The following INO80D variants were observed in gnomAD, a reference collection of about 807,000 sequenced individuals.
INO80D encodes the protein INO80 complex subunit D.
In INO80D, 21 loss-of-function variants were observed where a neutral mutation model predicts 87.6. The ratio of observed to expected loss-of-function variants is 0.24; its 90% CI spans 0.17 to 0.35. The LOEUF (loss-of-function observed/expected upper bound fraction) is 0.35, where lower values mean the gene tolerates loss of function less well. Ranked by LOEUF, INO80D falls within the 10% of genes least tolerant of loss-of-function variation. The pLI, the probability that INO80D is intolerant of heterozygous loss-of-function variation, is 1.00. For missense variants in INO80D, 982 were observed against 1,280.7 expected (o/e 0.77, Z 3.56); for synonymous variants, 440 against 491.0 (o/e 0.90, Z 1.37).
intron 5 of INO80D, among the ~76,000 whole-genome samples, chr2:206,045,102 T>C (rs1299150433): frequency 6.6e-6 from 1 of 152,162 alleles, no homozygotes; most frequent in Non-Finnish European, 1.5e-5. Flanking sequence ...AGATACATCA[T>C]GCTATTATAA....
rs1395415621 is a variant in INO80D at position 206,063,816 on chromosome 2, G to C, written c.-123-572C>G. 2.6e-5 allele frequency: 4 copies of C among 152,176 alleles called. No homozygotes were observed. The East Asian group carries it at 7.7e-4, about 29-fold the overall frequency. 9.4% of individuals were successfully genotyped at this position (152,176 alleles called of 1,614,324 possible). The stretch of plus-strand genomic sequence containing the variant: ...ACTCTTCCACCAAATGAATGTCACA[G>C]GTAGCAGGTCTCTTTTTCATTACTG... On this transcript the variant is annotated intron_variant, in intron 1 of 10. Coordinates refer to ENST00000403263, the MANE Select transcript of INO80D (RefSeq NM_017759.5).
intron 8 of INO80D, among the ~76,000 whole-genome samples, chr2:206,011,443 C>T (rs1238314323): frequency 6.6e-6 from 1 of 152,178 alleles, no homozygotes; most frequent in Non-Finnish European, 1.5e-5. Flanking sequence ...CTGCCTTGCT[C>T]GCCTCCAGAG....
chr2:206,034,237 A>AC (rs1381263885), intron 5 of INO80D, among the ~76,000 whole-genome samples: 2 of 152,190 alleles, frequency 1.3e-5, no homozygotes, highest in African/African-American at 4.8e-5. Context: ...AATCCTCCCT[A>AC]CTTCATTCTA....
At position 206,012,436 on chromosome 2, in the gene INO80D, C is replaced by A. The variant is rs56241729; in HGVS notation, c.1543-2642G>T. On this transcript the variant is annotated intron_variant, in intron 8 of 10. Coordinates refer to ENST00000403263, the MANE Select transcript of INO80D (RefSeq NM_017759.5). Reference sequence around the variant, plus strand: ...TCTGGCTGCTATGTAAACAACATACCCCCTATGGCAGGGGGATATGGCAAG... The same window carrying A: ...TCTGGCTGCTATGTAAACAACATACACCCTATGGCAGGGGGATATGGCAAG... 6.5e-3 allele frequency among the ~76,000 whole-genome samples: 996 copies of A among 152,204 alleles called. 3 individuals carry two copies. The highest frequency in any genetic ancestry group is 0.011 in the Non-Finnish European group (751 of 68,010).
At chr2:206,032,031 T>C (rs950502360) in intron 5 of INO80D, among the ~76,000 whole-genome samples, 3 of 152,126 alleles carry the variant, frequency 2.0e-5, no homozygotes, top group African/African-American at 7.2e-5. Flanking sequence ...CAGGAAACGC[T>C]CTGGGAGCTC....
At chr2:206,047,788 C>A (rs1183337940) in intron 4 of INO80D, among the ~76,000 whole-genome samples, 1 of 152,004 alleles carries the variant, frequency 6.6e-6, no homozygotes, top group Non-Finnish European at 1.5e-5. Context: ...TGGCTCTTAC[C>A]TTCCATGGGA....
intron 1 of INO80D, among the ~76,000 whole-genome samples, chr2:206,070,243 C>T (rs367773915): frequency 1.3e-5 from 2 of 151,440 alleles, no homozygotes; most frequent in East Asian, 3.9e-4. Context: ...TGTTGAAACA[C>T]CATTTCTACT....
At chr2:206,055,013 C>T (rs988350518) in intron 4 of INO80D, among the ~76,000 whole-genome samples, 1 of 152,138 alleles carries the variant, frequency 6.6e-6, no homozygotes, top group Non-Finnish European at 1.5e-5. Context: ...ATACCATATC[C>T]TGACCCTGAC....
chr2:206,022,041 C>A (rs2969766), intron 6 of INO80D, among the ~76,000 whole-genome samples: 93,677 of 151,840 alleles, frequency 0.62, 30,630 homozygotes, highest in South Asian at 0.74. Flanking sequence ...ATTTTTTAAA[C>A]TTGCCTTGTT....
chr2:206,080,734 C>T (rs1004761104), intron 1 of INO80D, among the ~76,000 whole-genome samples: 8 of 151,472 alleles, frequency 5.3e-5, no homozygotes, highest in African/African-American at 7.3e-5. Flanking sequence ...GGTGAAACCC[C>T]GTCTCTACTA....
At chr2:206,024,398 A>C (rs537391289) in intron 6 of INO80D, among the ~76,000 whole-genome samples, 4 of 152,112 alleles carry the variant, frequency 2.6e-5, no homozygotes, top group African/African-American at 9.7e-5. Context: ...CTCTAAGAAC[A>C]TAAGTCTCTG....
At chr2:206,073,571 T>C (rs1324046696) in intron 1 of INO80D, among the ~76,000 whole-genome samples, 1 of 152,072 alleles carries the variant, frequency 6.6e-6, no homozygotes, top group Non-Finnish European at 1.5e-5. Context: ...TGGAGTGCAG[T>C]GGTATGATTA....
intron 8 of INO80D, among the ~76,000 whole-genome samples, chr2:206,010,084 C>A (rs1324861532): frequency 1.2e-5 from 1 of 81,994 alleles, no homozygotes; most frequent in Non-Finnish European, 3.5e-5. Flanking sequence ...CACACACACA[C>A]ACGCACACAC....
At position 206,040,509 on chromosome 2, in the gene INO80D, C is replaced by T. The variant is rs1689018855; in HGVS notation, c.1073+5995G>A. 7 of 218,074 alleles carry T rather than the reference C, an allele frequency of 3.2e-5. No individual in the cohort carries two copies. In the South Asian group the frequency reaches 5.1e-4, roughly 16 times the overall value. 13.5% of individuals were successfully genotyped at this position (218,074 alleles called of 1,614,324 possible). A position where few individuals can be genotyped will look rare whatever the true frequency, so the allele number is the denominator to read the frequency against. The stretch of plus-strand genomic sequence containing the variant: ...TTCTGGCTGAACACAAAGCTGTCAT[C>T]GTAAAGAACATTAATGATGGCACCT... On this transcript the variant is annotated intron_variant, in intron 5 of 10. Coordinates refer to ENST00000403263, the MANE Select transcript of INO80D (RefSeq NM_017759.5).
intron 1 of INO80D, among the ~76,000 whole-genome samples, chr2:206,074,793 GC>G (rs1690066293): frequency 6.6e-6 from 1 of 151,900 alleles, no homozygotes; most frequent in Non-Finnish European, 1.5e-5. Context: ...TACAAAATTA[GC>G]CAGGTGTGGT....
At position 205,996,311 on chromosome 2, in the gene INO80D, C is replaced by A. The variant is rs958985357; in HGVS notation, c.*8057G>T. 3 of 148,236 alleles carry A rather than the reference C, an allele frequency of 2.0e-5. No homozygotes were observed. The highest frequency in any genetic ancestry group is 4.9e-5 in the African/African-American group (2 of 40,518). 9.2% of individuals were successfully genotyped at this position (148,236 alleles called of 1,614,324 possible). A position where few individuals can be genotyped will look rare whatever the true frequency, so the allele number is the denominator to read the frequency against. The stretch of plus-strand genomic sequence containing the variant: ...GAGACAGAATTAAGGGGGAAAAAAA[C>A]CACAATGATGTGTGATTTTTTTTTT... On this transcript the variant is annotated 3_prime_UTR_variant, in exon 11 of 11. Transcript: ENST00000403263.
chr2:206,076,466 C>T (rs1690119462), intron 1 of INO80D, among the ~76,000 whole-genome samples: 1 of 152,016 alleles, frequency 6.6e-6, no homozygotes, highest in Admixed American at 6.6e-5. Flanking sequence ...ATCTATATTA[C>T]CTATGTAAAA....
intron 1 of INO80D, among the ~76,000 whole-genome samples, chr2:206,068,641 C>A (rs930925504): frequency 1.2e-4 from 18 of 152,080 alleles, no homozygotes; most frequent in African/African-American, 3.6e-4. Context: ...TTAGATGCAA[C>A]TCTTGTTGGG....
intron 3 of INO80D, among the ~76,000 whole-genome samples, chr2:206,057,417 T>C (rs1575861074): frequency 2.6e-5 from 4 of 152,246 alleles, no homozygotes. Context: ...TTTAGACACA[T>C]ATACAGAGAG....
Sources: allele counts gnomAD v4.1 joint callset (sites outside exome capture counted in the v4.1 genomes callset), GRCh38; gene constraint gnomAD v4.1.1; transcripts MANE v1.5; gene names NCBI Gene and HGNC (gene_info 2026-07-23, HGNC 2026-07-21).